Variants in GMDS observed in about 807,000 individuals in gnomAD.
GMDS encodes the protein GDP-mannose 4,6 dehydratase.
Under a neutral mutation model 49.9 loss-of-function variants are expected in GMDS, and 20 were observed. The ratio of observed to expected loss-of-function variants is 0.40; its 90% CI spans 0.28 to 0.58. The LOEUF (loss-of-function observed/expected upper bound fraction) is 0.58, where lower values mean the gene tolerates loss of function less well. GMDS is among the 20% of genes least tolerant of loss of function. The pLI is 0.42. For synonymous variants in GMDS, 177 were observed against 178.6 expected (o/e 0.99, Z 0.07); for missense variants, 362 against 481.4 (o/e 0.75, Z 2.32).
intron 6 of GMDS, among the ~76,000 whole-genome samples, chr6:1,940,434 C>G (rs181483851): frequency 6.6e-6 from 1 of 152,232 alleles, no homozygotes; most frequent in Non-Finnish European, 1.5e-5. Flanking sequence ...CATTTTTCCC[C>G]TGTGGTAATC....
chr6:1,790,927 A>C (rs140027116), intron 7 of GMDS, among the ~76,000 whole-genome samples: 32 of 152,322 alleles, frequency 2.1e-4, no homozygotes, highest in African/African-American at 7.7e-4. Context: ...TGTGATTAAG[A>C]GAATGCTGAG....
intron 9 of GMDS, among the ~76,000 whole-genome samples, chr6:1,720,557 T>C (rs1766346112): frequency 6.6e-6 from 1 of 152,160 alleles, no homozygotes; most frequent in African/African-American, 2.4e-5. Context: ...AGAGGAAGCA[T>C]TCTGATCAGC....
intron 7 of GMDS, among the ~76,000 whole-genome samples, chr6:1,824,666 T>C (rs1052187394): frequency 1.3e-5 from 2 of 152,168 alleles, no homozygotes; most frequent in Non-Finnish European, 2.9e-5. Flanking sequence ...AAGTAGTCTT[T>C]TGTAAACTAC....
At chr6:1,750,439 G>A (rs577106325) in intron 7 of GMDS, among the ~76,000 whole-genome samples, 38 of 152,262 alleles carry the variant, frequency 2.5e-4, no homozygotes, top group South Asian at 1.0e-3. Flanking sequence ...AGGGTGAGCC[G>A]AAGCAGGGTG....
chr6:1,878,981 C>T (rs1473757534), intron 7 of GMDS, among the ~76,000 whole-genome samples: 2 of 152,126 alleles, frequency 1.3e-5, no homozygotes, highest in Non-Finnish European at 2.9e-5. Context: ...ACACAGTGGG[C>T]CCAGTGAAGG....
intron 4 of GMDS, among the ~76,000 whole-genome samples, chr6:1,974,764 C>T (rs2245970): frequency 0.6 from 91,114 of 150,780 alleles, 27,583 homozygotes; most frequent in East Asian, 0.66. Context: ...GGCACGGTGG[C>T]TCATGCCTGC....
intron 6 of GMDS, among the ~76,000 whole-genome samples, chr6:1,940,140 A>G (rs1195383071): frequency 1.3e-5 from 2 of 152,120 alleles, no homozygotes; most frequent in Non-Finnish European, 2.9e-5. Context: ...GGCAATTTTT[A>G]TTGTTTGTGT....
intron 6 of GMDS, among the ~76,000 whole-genome samples, chr6:1,956,227 A>G (rs919355513): frequency 3.9e-5 from 6 of 152,202 alleles, no homozygotes; most frequent in Non-Finnish European, 2.9e-5. Context: ...AGAGGCCCAG[A>G]CAACAAATAT....
intron 4 of GMDS, among the ~76,000 whole-genome samples, chr6:2,010,480 G>C (rs1030554991): frequency 1.3e-5 from 2 of 152,034 alleles, no homozygotes; most frequent in Non-Finnish European, 2.9e-5. Context: ...TTGTCAAAAT[G>C]TTAAACAGAA....
In GMDS at chr6:1,768,554, C is replaced by T. The variant is rs117523832; in HGVS notation, c.772-25968G>A. On this transcript the variant is annotated intron_variant, in intron 7 of 10. Transcript: ENST00000380815. ...ATGAATAAATGTTTCTTGTTAGTCA[C>T]TGTCACATAATATACAGGTTGAGTA... 2.6e-5 allele frequency among the ~76,000 whole-genome samples: 4 copies of T among 152,322 alleles called. No homozygotes were observed. The East Asian group carries it at 5.8e-4, about 22-fold the overall frequency.
intron 9 of GMDS, among the ~76,000 whole-genome samples, chr6:1,639,902 A>G (rs560160391): frequency 6.6e-6 from 1 of 152,136 alleles, no homozygotes; most frequent in African/African-American, 2.4e-5. Context: ...CAAAATGAAA[A>G]CACAGATCCA....
intron 4 of GMDS, among the ~76,000 whole-genome samples, chr6:2,057,349 GAACA>G (rs1770838956): frequency 6.6e-6 from 1 of 152,110 alleles, no homozygotes; most frequent in Non-Finnish European, 1.5e-5. Context: ...CTAAATGAAT[GAACA>G]AATTCTTCCT....
intron 4 of GMDS, among the ~76,000 whole-genome samples, chr6:2,028,387 AAT>A (rs1360341318): frequency 2.6e-5 from 4 of 152,242 alleles, no homozygotes; most frequent in Non-Finnish European, 5.9e-5. Context: ...AGAACTCTAA[AAT>A]CAATTTGACT....
chr6:1,925,067 ATTAC>A (rs1369402100), intron 7 of GMDS, among the ~76,000 whole-genome samples: 1 of 152,222 alleles, frequency 6.6e-6, no homozygotes, highest in Non-Finnish European at 1.5e-5. Flanking sequence ...CACTACAGTA[ATTAC>A]TTAAATACTA....
At chr6:2,099,250 A>G (rs1418214464) in intron 4 of GMDS, among the ~76,000 whole-genome samples, 1 of 152,148 alleles carries the variant, frequency 6.6e-6, no homozygotes, top group Non-Finnish European at 1.5e-5. Flanking sequence ...CCCCACAAAA[A>G]AGCATCAATT....
chr6:2,047,644 T>C (rs1770103052), intron 4 of GMDS, among the ~76,000 whole-genome samples: 1 of 151,874 alleles, frequency 6.6e-6, no homozygotes, highest in Admixed American at 6.6e-5. Context: ...GTGCACCACC[T>C]TCCCCATCTA....
chr6:1,690,563 T>G (rs776014421), intron 9 of GMDS, among the ~76,000 whole-genome samples: 5 of 152,068 alleles, frequency 3.3e-5, no homozygotes, highest in Admixed American at 6.5e-5. Flanking sequence ...CCCATCAGAG[T>G]GAACAGACAA....
chr6:2,055,714 C>T (rs1346395253), intron 4 of GMDS, among the ~76,000 whole-genome samples: 1 of 152,112 alleles, frequency 6.6e-6, no homozygotes, highest in African/African-American at 2.4e-5. Context: ...AGGCACAGAA[C>T]TGTAGATTAA....
intron 1 of GMDS, chr6:2,175,809 T>C: frequency 1.6e-6 from 1 of 631,874 alleles, no homozygotes; most frequent in Non-Finnish European, 2.8e-6. Context: ...ATATAGCCCT[T>C]AAAACATGTT....
Sources: gnomAD v4.1 joint callset for allele counts (sites outside exome capture counted in the v4.1 genomes callset) on GRCh38, gnomAD v4.1.1 for gene constraint, MANE v1.5 for transcripts, NCBI Gene and HGNC (gene_info 2026-07-23, HGNC 2026-07-21) for gene names.